The following TMEM135 variants were observed in gnomAD, a reference collection of about 807,000 sequenced individuals.
TMEM135 encodes peroxisomal membrane protein 52.
Under a neutral mutation model 60.3 loss-of-function variants are expected in TMEM135, and 30 were observed. That is an observed-to-expected ratio of 0.50 (90% CI 0.37 to 0.68). The LOEUF is 0.68. Among genes scored for constraint, TMEM135 ranks in the 30% least tolerant of loss-of-function variants. TMEM135 has a pLI of 0.00. For missense variants in TMEM135, 468 were observed against 548.8 expected (o/e 0.85, Z 1.47); for synonymous variants, 190 against 186.7 (o/e 1.02, Z -0.14).
intron 6 of TMEM135, among the ~76,000 whole-genome samples, chr11:87,263,150 T>G (rs1941685708): frequency 1.3e-5 from 2 of 151,750 alleles, no homozygotes; most frequent in African/African-American, 4.8e-5. Context: ...TGAAGAGAGG[T>G]GTATGTGGTC....
chr11:87,049,435 G>C (rs1428013790), intron 1 of TMEM135, among the ~76,000 whole-genome samples: 1 of 99,652 alleles, frequency 1.0e-5, no homozygotes, highest in Non-Finnish European at 1.9e-5. Flanking sequence ...CACATGCAGA[G>C]ACACACATAG....
intron 1 of TMEM135, among the ~76,000 whole-genome samples, chr11:87,062,088 C>A (rs954075429): frequency 1.3e-5 from 2 of 152,130 alleles, no homozygotes; most frequent in African/African-American, 4.8e-5. Flanking sequence ...TCACTGCAGC[C>A]TCCACCTTCT....
chr11:87,140,265 C>T (rs1011370076), intron 4 of TMEM135, among the ~76,000 whole-genome samples: 2 of 151,886 alleles, frequency 1.3e-5, no homozygotes, highest in African/African-American at 2.4e-5. Context: ...GATGGGGTTT[C>T]ACCCTGTTAG....
intron 4 of TMEM135, among the ~76,000 whole-genome samples, chr11:87,143,255 T>C (rs1938315772): frequency 6.6e-6 from 1 of 152,138 alleles, no homozygotes; most frequent in African/African-American, 2.4e-5. Flanking sequence ...CATGTTTTCT[T>C]ATAACTTTTG....
intron 4 of TMEM135, among the ~76,000 whole-genome samples, chr11:87,154,413 C>G (rs545288100): frequency 3.9e-5 from 6 of 152,124 alleles, no homozygotes; most frequent in Non-Finnish European, 7.4e-5. Context: ...TACATCTAGG[C>G]TGTTGTAAAT....
At chr11:87,103,880 G>T (rs1043877813) in intron 4 of TMEM135, among the ~76,000 whole-genome samples, 4 of 151,992 alleles carry the variant, frequency 2.6e-5, no homozygotes, top group African/African-American at 9.7e-5. Context: ...CCAATCTGTA[G>T]GTTGTCTCTT....
At chr11:87,134,935 T>C (rs1262705022) in intron 4 of TMEM135, among the ~76,000 whole-genome samples, 2 of 152,232 alleles carry the variant, frequency 1.3e-5, no homozygotes, top group African/African-American at 4.8e-5. Flanking sequence ...TTAGCCATTC[T>C]AATAGGTATA....
At chr11:87,054,086 A>G (rs1169629489) in intron 1 of TMEM135, among the ~76,000 whole-genome samples, 2 of 152,236 alleles carry the variant, frequency 1.3e-5, no homozygotes, top group African/African-American at 2.4e-5. Context: ...AGGGGAATCA[A>G]TAACTGAAAT....
rs1452445268 is a variant in TMEM135, at chr11:87,327,596, G to A, written c.*6263G>A. On this transcript the variant is annotated 3_prime_UTR_variant, in exon 15 of 15. Transcript: ENST00000305494. ...ATATGAGAGGGGATTAAGGGAGTTG[G>A]CTCATGTGATTGTGGAGGCTGAGAA... 4 of 452,838 alleles carry A rather than the reference G, an allele frequency of 8.8e-6. No homozygotes were observed. Among genetic ancestry groups the A allele is most frequent in the Non-Finnish European group, 1.8e-5 (4 of 226,204 alleles). 28.1% of individuals were successfully genotyped at this position (452,838 alleles called of 1,614,324 possible).
In TMEM135 at chr11:87,323,297, A is replaced by G. The variant is rs1165818295; in HGVS notation, c.*1964A>G. On this transcript the variant is annotated 3_prime_UTR_variant, in exon 15 of 15. Coordinates refer to ENST00000305494, the MANE Select transcript of TMEM135 (RefSeq NM_022918.4). ...TGAAATAGCTATCATGAAGCAGAATACAATGATGAATGTATAGGTTGAGTG... is the reference window on the plus strand; with the variant it reads ...TGAAATAGCTATCATGAAGCAGAATGCAATGATGAATGTATAGGTTGAGTG... 2.2e-6 allele frequency: 1 copy of G among 454,024 alleles called. No homozygotes were observed. The highest frequency in any genetic ancestry group is 6.9e-5 in the East Asian group (1 of 14,392). 28.1% of individuals were successfully genotyped at this position (454,024 alleles called of 1,614,324 possible).
chr11:87,255,211 G>A (rs1941500928), intron 6 of TMEM135, among the ~76,000 whole-genome samples: 1 of 152,156 alleles, frequency 6.6e-6, no homozygotes, highest in Non-Finnish European at 1.5e-5. Flanking sequence ...TTCAGAGCAG[G>A]TAGGGGTCGG....
At chr11:87,275,283 A>G (rs4943980) in intron 6 of TMEM135, among the ~76,000 whole-genome samples, 55,639 of 151,836 alleles carry the variant, frequency 0.37, 10,854 homozygotes, top group Non-Finnish European at 0.43. Flanking sequence ...CTTTTTTTCA[A>G]CAAAGTGAGA....
chr11:87,323,457 TCTAA>T lies in TMEM135; in HGVS notation c.*2129_*2132del, dbSNP rs1457053429. On this transcript the variant is annotated 3_prime_UTR_variant, in exon 15 of 15. Coordinates refer to ENST00000305494, the MANE Select transcript of TMEM135 (RefSeq NM_022918.4). ...CAATCAGAATGATTACCTTTCTACC[TCTAA>T]CTAATCAGGTATTGATTGACAACTT... The T allele has an allele frequency of 4.4e-6, 2 of 454,032 alleles. No individual in the cohort carries two copies. Among genetic ancestry groups the T allele is most frequent in the South Asian group, 1.6e-5 (1 of 64,478 alleles). The allele number at this position is 454,032 out of a possible 1,614,324, so 28.1% of individuals were successfully genotyped here. A position where few individuals can be genotyped will look rare whatever the true frequency, so the allele number is the denominator to read the frequency against.
intron 4 of TMEM135, among the ~76,000 whole-genome samples, chr11:87,111,663 A>G (rs996077915): frequency 9.3e-5 from 14 of 150,498 alleles, no homozygotes; most frequent in Admixed American, 6.0e-4. Flanking sequence ...AAAAAAAAAA[A>G]AAAAAAAAGA....
Position 87,322,733 on chromosome 11 carries a change from C to G in TMEM135, c.*1400C>G, listed in dbSNP as rs1331258026. Reference sequence around the variant, plus strand: ...ATTCAATTTCATCAAGCCTTGTATACTTCTGCTTAAATGTAATTCAATCCT... The same window carrying G: ...ATTCAATTTCATCAAGCCTTGTATAGTTCTGCTTAAATGTAATTCAATCCT... On this transcript the variant is annotated 3_prime_UTR_variant, in exon 15 of 15. Coordinates refer to ENST00000305494, the MANE Select transcript of TMEM135 (RefSeq NM_022918.4). 1 of 453,908 alleles carries G rather than the reference C, an allele frequency of 2.2e-6. No homozygotes were observed. Among genetic ancestry groups the G allele is most frequent in the Non-Finnish European group, 4.4e-6 (1 of 226,730 alleles). The allele number at this position is 453,908 out of a possible 1,614,324, so 28.1% of individuals were successfully genotyped here.
chr11:87,220,257 A>G (rs1264418498), intron 5 of TMEM135, among the ~76,000 whole-genome samples: 2 of 152,186 alleles, frequency 1.3e-5, no homozygotes, highest in African/African-American at 2.4e-5. Flanking sequence ...TAATCAAACT[A>G]TTTGTTATTA....
chr11:87,145,564 C>A (rs1565460286), intron 4 of TMEM135, among the ~76,000 whole-genome samples: 1 of 151,976 alleles, frequency 6.6e-6, no homozygotes, highest in African/African-American at 2.4e-5. Flanking sequence ...TATAAAGGTT[C>A]CCTTTTCTCC....
In TMEM135 at chr11:87,322,592, TA is replaced by T; in HGVS notation, c.*1260del. 2.2e-6 allele frequency: 1 copy of T among 454,030 alleles called. No individual in the cohort carries two copies. Among genetic ancestry groups the T allele is most frequent in the Non-Finnish European group, 4.4e-6 (1 of 226,718 alleles). The allele number at this position is 454,030 out of a possible 1,614,324, so 28.1% of individuals were successfully genotyped here. On this transcript the variant is annotated 3_prime_UTR_variant, in exon 15 of 15. Coordinates refer to ENST00000305494, the MANE Select transcript of TMEM135 (RefSeq NM_022918.4). Reference sequence around the variant, plus strand: ...TTAATGTGACATGTAGGGATGATGATATTTTTAAAATACATTTTGTTGCTAA... The same window carrying T: ...TTAATGTGACATGTAGGGATGATGATTTTTTAAAATACATTTTGTTGCTAA...
chr11:87,232,016 A>G (rs542362497), intron 5 of TMEM135, among the ~76,000 whole-genome samples: 74 of 151,942 alleles, frequency 4.9e-4, no homozygotes, highest in African/African-American at 1.5e-3. Flanking sequence ...CAGTGGTGCA[A>G]TCTCACTCAC....
Sources: allele counts gnomAD v4.1 joint callset (sites outside exome capture counted in the v4.1 genomes callset), GRCh38; gene constraint gnomAD v4.1.1; transcripts MANE v1.5; gene names NCBI Gene and HGNC (gene_info 2026-07-23, HGNC 2026-07-21).